The following LONP2 variants were observed in gnomAD, a reference collection of about 807,000 sequenced individuals.
LONP2 encodes the protein lon protease homolog 2, peroxisomal.
In LONP2, 60 loss-of-function variants were observed where a neutral mutation model predicts 85.6. The observed-to-expected ratio is 0.70, with a 90% confidence interval of 0.57 to 0.87. The LOEUF is 0.87. Ranked by LOEUF, LONP2 falls within the 40% of genes least tolerant of loss-of-function variation. The probability of loss-of-function intolerance (pLI) is 0.00; values close to 1 mark genes in which losing one functional copy is unlikely to be tolerated. For missense variants in LONP2, 860 were observed against 1,063.5 expected, an observed-to-expected ratio of 0.81 and a Z score of 2.66; for synonymous variants, 395 against 389.7, an observed-to-expected ratio of 1.01 and a Z score of -0.16.
At chr16:48,335,650 T>C (rs1596995966) in intron 12 of LONP2, among the ~76,000 whole-genome samples, 1 of 152,250 alleles carries the variant, frequency 6.6e-6, no homozygotes, top group Non-Finnish European at 1.5e-5. Context: ...TCTCTCCATC[T>C]AACATTTGAA....
chr16:48,281,453 A>G (rs1972326173), intron 8 of LONP2, among the ~76,000 whole-genome samples: 1 of 152,190 alleles, frequency 6.6e-6, no homozygotes, highest in African/African-American at 2.4e-5. Context: ...AATTTGGGCA[A>G]GTCTATAACT....
chr16:48,284,468 C>G (rs1368060696), intron 8 of LONP2, among the ~76,000 whole-genome samples: 2 of 152,154 alleles, frequency 1.3e-5, no homozygotes, highest in Admixed American at 1.3e-4. Context: ...GCCACCCTAA[C>G]TTTCAGCAGC....
intron 10 of LONP2, among the ~76,000 whole-genome samples, chr16:48,300,539 C>T (rs1276499543): frequency 6.6e-6 from 1 of 152,246 alleles, no homozygotes; most frequent in Non-Finnish European, 1.5e-5. Context: ...CTGCCAAGCT[C>T]TCCTCTTGCG....
chr16:48,296,228 T>C, intron 9 of LONP2, 63 bp downstream of exon 9: 1 of 1,545,144 alleles, frequency 6.5e-7, no homozygotes, highest in Non-Finnish European at 8.8e-7. Context: ...TAAAATTAGT[T>C]ATGCTATGGA....
rs1439978419 is a variant in LONP2, at chr16:48,262,824, A to C, written c.934A>C (p.Asn312His). 2 of 1,612,494 alleles carry C rather than the reference A, an allele frequency of 1.2e-6. No individual in the cohort carries two copies. Among genetic ancestry groups the C allele is most frequent in the Admixed American group, 3.3e-5 (2 of 59,778 alleles). ...QSMPEYALTR[N>H]YLELMVELPW... is the part of the protein sequence containing the mutation. The stretch of plus-strand genomic sequence containing the variant: ...AATGCCAGAATATGCTCTGACTAGA[A>C]ATTATTTGGAACTTATGGTAGAACT... Residue 312 changes from asparagine to histidine, a missense_variant, in exon 6 of 15, where the codon AAT (asparagine) becomes CAT (histidine). Physicochemically the swap from Asn to His is moderately conservative, Grantham distance 68 (BLOSUM62 1). Coordinates refer to ENST00000285737, the MANE Select transcript of LONP2 (RefSeq NM_031490.5).
intron 8 of LONP2, 45 bp from the exon 9 acceptor site, chr16:48,295,970 G>T (rs1208027881): frequency 6.3e-7 from 1 of 1,596,458 alleles, no homozygotes; most frequent in African/African-American, 1.3e-5. Flanking sequence ...ACAGCCTTCT[G>T]TTGGCACTAC....
intron 11 of LONP2, among the ~76,000 whole-genome samples, chr16:48,306,337 A>G (rs1406537611): frequency 1.3e-5 from 2 of 152,238 alleles, no homozygotes; most frequent in East Asian, 1.9e-4. Context: ...CATACTTCTA[A>G]TAATATCTTT....
chr16:48,280,674 G>T (rs1384206159), intron 8 of LONP2, among the ~76,000 whole-genome samples: 1 of 152,144 alleles, frequency 6.6e-6, no homozygotes, highest in Admixed American at 6.5e-5. Context: ...AATAGCATTG[G>T]TTCCTTACAG....
intron 12 of LONP2, among the ~76,000 whole-genome samples, chr16:48,337,175 T>C (rs1959676424): frequency 6.6e-6 from 1 of 152,238 alleles, no homozygotes; most frequent in African/African-American, 2.4e-5. Context: ...TCAGATCAGC[T>C]TATTCCAAGT....
intron 7 of LONP2, among the ~76,000 whole-genome samples, chr16:48,274,643 C>T (rs1266084087): frequency 4.0e-5 from 6 of 151,620 alleles, no homozygotes; most frequent in African/African-American, 1.5e-4. Flanking sequence ...GTTTGAGATA[C>T]ACACACACAC....
intron 12 of LONP2, among the ~76,000 whole-genome samples, chr16:48,342,117 C>T (rs374733366): frequency 2.0e-5 from 3 of 152,194 alleles, no homozygotes; most frequent in East Asian, 1.9e-4. Context: ...AGGATTCTGT[C>T]ATTTGATTAT....
chr16:48,269,536 A>C (rs1452328401), intron 6 of LONP2, among the ~76,000 whole-genome samples: 1 of 152,200 alleles, frequency 6.6e-6, no homozygotes, highest in African/African-American at 2.4e-5. Context: ...TTGTAAATGC[A>C]CGCACACAGC....
At position 48,343,467 on chromosome 16, in the gene LONP2, G is replaced by A. The variant is rs149153211; in HGVS notation, c.1939-4040G>A. 6.5e-3 allele frequency among the ~76,000 whole-genome samples: 986 copies of A among 152,274 alleles called. 11 individuals are homozygous for A. The highest frequency in any genetic ancestry group is 0.023 in the African/African-American group (937 of 41,546). ...TAATCCCAGCACTTTGGGAGGCTGA[G>A]GCAGGTGGATCATGAGGTCAGGAGT... On this transcript the variant is annotated intron_variant, in intron 12 of 14. Transcript: ENST00000285737.
chr16:48,332,463 G>A (rs916716609), intron 11 of LONP2, among the ~76,000 whole-genome samples: 3 of 152,012 alleles, frequency 2.0e-5, no homozygotes, highest in African/African-American at 4.8e-5. Context: ...TGTAATCCCA[G>A]CAGTTTGGGA....
Position 48,346,868 on chromosome 16 carries a change from A to ATG in LONP2, c.1939-639_1939-638insTG, listed in dbSNP as rs1190518675. Among the ~76,000 whole-genome samples, 3 of 152,044 alleles carry ATG rather than the reference A, an allele frequency of 2.0e-5. No individual in the cohort carries two copies. The East Asian group carries it at 5.8e-4, about 29-fold the overall frequency. On this transcript the variant is annotated intron_variant, in intron 12 of 14. Coordinates refer to ENST00000285737, the MANE Select transcript of LONP2 (RefSeq NM_031490.5). ...AGTATATATAAATATGCAGCCCAAT[A>ATG]GGCTGGGTGTGGTGGCTCACACCTG... is the stretch of plus-strand genomic sequence containing the variant.
chr16:48,271,316 T>C (rs545757947), intron 7 of LONP2, among the ~76,000 whole-genome samples: 33 of 152,370 alleles, frequency 2.2e-4, no homozygotes, highest in Non-Finnish European at 4.4e-4. Flanking sequence ...AGCATGAATT[T>C]ACATTTCGTG....
chr16:48,350,257 G>A (rs1227935746), intron 14 of LONP2, among the ~76,000 whole-genome samples: 6 of 152,076 alleles, frequency 3.9e-5, no homozygotes, highest in African/African-American at 1.2e-4. Context: ...ATGTGGTGGC[G>A]CATGCCTGTA....
intron 12 of LONP2, among the ~76,000 whole-genome samples, chr16:48,335,703 G>C (rs1959625242): frequency 6.6e-6 from 1 of 152,152 alleles, no homozygotes; most frequent in East Asian, 1.9e-4. Context: ...TCTTACAACT[G>C]AGCAGATGAG....
In LONP2 at chr16:48,270,320, A is replaced by G. The variant is rs147140943; in HGVS notation, c.1241+46A>G. The stretch of plus-strand genomic sequence containing the variant: ...TAATCTCTGATTCCTCTTTCTTTTT[A>G]ATTGACTAGAGCTCCCTAAAAGCTT... On this transcript the variant is annotated intron_variant, in intron 7 of 14. Coordinates refer to ENST00000285737, the MANE Select transcript of LONP2 (RefSeq NM_031490.5). 1.0e-3 allele frequency: 1,594 copies of G among 1,596,222 alleles called. 16 individuals are homozygous for G. The African/African-American group carries it at 0.02, about 20-fold the overall frequency.
Sources: gnomAD v4.1 joint callset for allele counts (sites outside exome capture counted in the v4.1 genomes callset) on GRCh38, gnomAD v4.1.1 for gene constraint, MANE v1.5 for transcripts, NCBI Gene and HGNC (gene_info 2026-07-23, HGNC 2026-07-21) for gene names.